ENOSF1: variants seen among roughly 807,000 people sequenced by gnomAD.
The protein encoded by ENOSF1 is mitochondrial enolase superfamily member 1.
In ENOSF1, 73 loss-of-function variants were observed where a neutral mutation model predicts 68.2. The observed-to-expected ratio is 1.07, with a 90% CI of 0.89 to 1.30. The LOEUF (loss-of-function observed/expected upper bound fraction) is 1.30, where lower values mean the gene tolerates loss of function less well. ENOSF1 is among the 50% of genes most tolerant of loss of function. The pLI, the probability that ENOSF1 is intolerant of heterozygous loss-of-function variation, is 0.00. For synonymous variants in ENOSF1, 223 were observed against 210.4 expected (o/e 1.06, Z -0.52); for missense variants, 589 against 554.5 (o/e 1.06, Z -0.62).
rs778491020 is a variant in ENOSF1 at position 693,907 on chromosome 18, G to A, written c.398C>T (p.Pro133Leu). The change falls in exon 5 of 16, where the codon CCT becomes CTT. Residue 133 changes from proline (P) to leucine (L), a missense_variant and splice_region_variant. By Grantham distance (98) the Pro-to-Leu change is moderately conservative (BLOSUM62 -3). Coordinates refer to ENST00000647584, the MANE Select transcript of ENOSF1 (RefSeq NM_017512.7). Reference protein sequence around the residue: ...WDLWAKQEGKPVWKLLVDMDP... With the variant: ...WDLWAKQEGKLVWKLLVDMDP... Reference sequence around the variant, plus strand: ...CATGTCCACAAGTAACTTCCAGACAGGCTTGAAGTAAAAAAGAAAGGATTT... The same window carrying A: ...CATGTCCACAAGTAACTTCCAGACAAGCTTGAAGTAAAAAAGAAAGGATTT... 6.2e-7 allele frequency: 1 copy of A among 1,613,948 alleles called. No individual in the cohort carries two copies. Among genetic ancestry groups the A allele is most frequent in the South Asian group, 1.1e-5 (1 of 91,000 alleles).
rs367666026 is a variant in ENOSF1, at chr18:704,605, C to CTTT, written c.193+1862_193+1864dup. Reference sequence around the variant, plus strand: ...GTATGTGGGATTCTGTCTTCTGTATCTTTTTTCTTTTTTTTTTTGGGATGG... The same window carrying CTTT: ...GTATGTGGGATTCTGTCTTCTGTATCTTTTTTTTTCTTTTTTTTTTTGGGATGG... On this transcript the variant is annotated intron_variant, in intron 2 of 15. Transcript: ENST00000647584. Among the ~76,000 whole-genome samples the CTTT allele has an allele frequency of 9.2e-4, 125 of 135,266 alleles. 4 individuals are homozygous for CTTT. The South Asian group carries it at 0.016, about 18-fold the overall frequency. 88.7% of individuals were successfully genotyped at this position (135,266 alleles called of 152,430 possible). A position where few individuals can be genotyped will look rare whatever the true frequency, so the allele number is the denominator to read the frequency against.
chr18:706,638 T>C, intron 1 of ENOSF1, 60 bp from the exon 2 acceptor site: 1 of 1,254,170 alleles, frequency 8.0e-7, no homozygotes, highest in Non-Finnish European at 1.2e-6. Flanking sequence ...AAAAGAACCA[T>C]GAGAATGATG....
chr18:704,991 G>A (rs528307760), intron 2 of ENOSF1, among the ~76,000 whole-genome samples: 2 of 152,266 alleles, frequency 1.3e-5, no homozygotes, highest in South Asian at 4.2e-4. Flanking sequence ...CTGGACAACT[G>A]ACCGCCAGCC....
Position 670,682 on chromosome 18 carries a change from G to A in ENOSF1, c.*3623C>T. ...CCATCCCTCCTTATCTTCCTCTGCT[G>A]GTTCCTCAGATCTTCCTCTGATGGC... On this transcript the variant is annotated 3_prime_UTR_variant, in exon 16 of 16. Coordinates refer to ENST00000647584, the MANE Select transcript of ENOSF1 (RefSeq NM_017512.7). 1 of 1,613,318 alleles carries A rather than the reference G, an allele frequency of 6.2e-7. No homozygotes were observed. The highest frequency in any genetic ancestry group is 8.5e-7 in the Non-Finnish European group (1 of 1,179,532).
chr18:685,161 A>G (rs1369015680), intron 10 of ENOSF1, among the ~76,000 whole-genome samples: 1 of 151,214 alleles, frequency 6.6e-6, no homozygotes. Context: ...ATATAATGCT[A>G]ACACTTTTTT....
rs894698185 is a variant in ENOSF1, at chr18:677,848, G to A, written c.943C>T (p.Gln315Ter). Residue 315 changes from glutamine (Q) to a stop codon, truncating the protein, a stop_gained, in exon 13 of 16, where the codon CAA becomes TAA. Coordinates refer to ENST00000647584, the MANE Select transcript of ENOSF1 (RefSeq NM_017512.7). LOFTEE classifies it high-confidence loss of function. ...EQCHNRVIFK[Q>*]LLQAKALQFL... The stretch of plus-strand genomic sequence containing the variant: ...TGCAGGGCCTTCGCCTGTAGGAGTT[G>A]CTTAAATATCACTCTATTGTGGCAC... The A allele has an allele frequency of 6.2e-7, 1 of 1,613,978 alleles. No individual in the cohort carries two copies.
chr18:685,868 A>C, intron 10 of ENOSF1, 53 bp downstream of exon 10: 1 of 1,326,522 alleles, frequency 7.5e-7, no homozygotes, highest in Admixed American at 1.7e-5. Context: ...AACGAGTTGT[A>C]TTTAGCCCTG....
Position 694,336 on chromosome 18 carries a change from T to C in ENOSF1, c.310-2A>G. ...CACCACGCCCTTTTCTGGACCAATC[T>C]GGTTAGGAAGCAAAGTACAAAAGCA... On this transcript the variant is annotated splice_acceptor_variant, in intron 3 of 15. Transcript: ENST00000647584. LOFTEE classifies it high-confidence loss of function. The C allele has an allele frequency of 6.2e-7, 1 of 1,613,982 alleles. No homozygotes were observed. The highest frequency in any genetic ancestry group is 8.5e-7 in the Non-Finnish European group (1 of 1,179,980).
At chr18:667,992 A>ATTTTTTTTTTTTTTTTTTTTTTT (rs60409589), downstream of ENOSF1, among the ~76,000 whole-genome samples, 3 of 105,384 alleles carry the variant, frequency 2.8e-5, 1 homozygote, top group African/African-American at 1.4e-4. Flanking sequence ...ATTCACAGGA[A>ATTTTTTTTTTTTTTTTTTTTTTT]TTTTTTTTTT....
intron 5 of ENOSF1, chr18:693,148 TTCC>T (rs1568087474): frequency 7.8e-7 from 1 of 1,289,138 alleles, no homozygotes; most frequent in South Asian, 1.2e-5. Context: ...GCCCAGTTTT[TTCC>T]TCCTCAGCAT....
chr18:677,773 A>G lies in ENOSF1; in HGVS notation c.1018T>C (p.Ser340Pro), dbSNP rs372512313. ...AACTTTTTGGCCATCAGCAATACTG[A>G]GAGGTTCTCATTGACACTGCCCAGT... The part of the protein sequence containing the change: ...CRLGSVNENL[S>P]VLLMAKKFEI... The change falls in exon 13 of 16, where the codon TCA (serine) becomes CCA (proline). Residue 340 changes from serine to proline, a missense_variant. Physicochemically the swap from Ser to Pro is moderately conservative, Grantham distance 74. Coordinates refer to ENST00000647584, the MANE Select transcript of ENOSF1 (RefSeq NM_017512.7). The G allele has an allele frequency of 1.6e-4, 254 of 1,614,014 alleles. 1 individual carries two copies. Among genetic ancestry groups the G allele is most frequent in the Middle Eastern group, 3.3e-4 (2 of 6,080 alleles).
At chr18:706,427 G>A (rs751772618) in intron 2 of ENOSF1, 43 bp downstream of exon 2, 2 of 1,276,030 alleles carry the variant, frequency 1.6e-6, no homozygotes, top group Non-Finnish European at 2.3e-6. Flanking sequence ...AATCTCATCT[G>A]AAAATTAAGC....
intron 3 of ENOSF1, 70 bp downstream of exon 3, chr18:697,170 T>G: frequency 1.0e-6 from 1 of 997,768 alleles, no homozygotes; most frequent in Non-Finnish European, 1.6e-6. Flanking sequence ...TCACATTCGT[T>G]GCACTCAAAG....
chr18:673,790 T>G lies in ENOSF1; in HGVS notation c.*515A>C, dbSNP rs2075201391. 6.5e-6 allele frequency: 1 copy of G among 152,708 alleles called. No individual in the cohort carries two copies. The highest frequency in any genetic ancestry group is 1.5e-5 in the Non-Finnish European group (1 of 68,734). The allele number at this position is 152,708 out of a possible 1,614,324, so 9.5% of individuals were successfully genotyped here. On this transcript the variant is annotated 3_prime_UTR_variant, in exon 16 of 16. Transcript: ENST00000647584. Reference sequence around the variant, plus strand: ...TCTATGGACTACCATTTTGCCCTCATTAGCTTCAGCATGGTGTGACTTCTC... The same window carrying G: ...TCTATGGACTACCATTTTGCCCTCAGTAGCTTCAGCATGGTGTGACTTCTC...
intron 2 of ENOSF1, among the ~76,000 whole-genome samples, chr18:702,794 ATATT>A (rs1355038523): frequency 2.9e-4 from 44 of 152,304 alleles, no homozygotes; most frequent in African/African-American, 9.6e-4. Context: ...ATAAAAATGA[ATATT>A]AATTAAGTAA....
rs764250943 is a variant in ENOSF1 at position 677,398 on chromosome 18, C to T, written c.1095G>A (p.Val365=). 30 of 1,613,822 alleles carry T rather than the reference C, an allele frequency of 1.9e-5. No individual in the cohort carries two copies. In the South Asian group the frequency reaches 1.9e-4, roughly 10 times the overall value. ...HAGGVGLCEL[V]QHLIIFDYIS... Reference sequence around the variant, plus strand: ...TGTAGTCAAATATAATCAGGTGCTGCACCAGTTCACAGAGGCCAACTCCAC... The same window carrying T: ...TGTAGTCAAATATAATCAGGTGCTGTACCAGTTCACAGAGGCCAACTCCAC... Residue 365 remains valine, a synonymous_variant, in exon 14 of 16, where the codon GTG becomes GTA. Coordinates refer to ENST00000647584, the MANE Select transcript of ENOSF1 (RefSeq NM_017512.7).
chr18:679,873 A>G (rs2075902885), intron 11 of ENOSF1, among the ~76,000 whole-genome samples: 1 of 152,170 alleles, frequency 6.6e-6, no homozygotes, highest in Non-Finnish European at 1.5e-5. Context: ...TAGTAATCAC[A>G]CTGACAGCTA....
Position 712,593 on chromosome 18 carries a change from C to G in ENOSF1, c.-6G>C. 1 of 1,524,496 alleles carries G rather than the reference C, an allele frequency of 6.6e-7. No individual in the cohort carries two copies. The highest frequency in any genetic ancestry group is 8.8e-7 in the Non-Finnish European group (1 of 1,139,646). 94.4% of individuals were successfully genotyped at this position (1,524,496 alleles called of 1,614,324 possible). The stretch of plus-strand genomic sequence containing the variant: ...GAGATCCTGCCGCGCACCATGGCCC[C>G]TGCGCCCCGTGGCCGCGGCCCCCGT... On this transcript the variant is annotated 5_prime_UTR_variant, in exon 1 of 16. Transcript: ENST00000647584.
At chr18:688,247 C>T (rs1365721453) in intron 9 of ENOSF1, 8 of 261,816 alleles carry the variant, frequency 3.1e-5, no homozygotes, top group South Asian at 7.3e-5. Flanking sequence ...AAGTTAAGCT[C>T]GCTGCCTCTG....
Sources: allele counts gnomAD v4.1 joint callset (sites outside exome capture counted in the v4.1 genomes callset), GRCh38; gene constraint gnomAD v4.1.1; transcripts MANE v1.5; gene names NCBI Gene and HGNC (gene_info 2026-07-23, HGNC 2026-07-21).